The following NRG1 variants were observed in gnomAD, a reference collection of about 807,000 sequenced individuals.
NRG1 encodes neuregulin 1.
NRG1 carries 18 observed loss-of-function variants against 63.8 expected under a neutral mutation model. The ratio of observed to expected loss-of-function variants is 0.28; its 90% confidence interval spans 0.19 to 0.42. NRG1 has a LOEUF of 0.42. Among genes scored for constraint, NRG1 ranks in the 10% least tolerant of loss-of-function variants. The pLI is 1.00. For missense variants in NRG1, 762 were observed against 814.7 expected (o/e 0.94, Z 0.79); for synonymous variants, 302 against 301.3 (o/e 1.00, Z -0.02).
chr8:32,322,529 A>G (rs993949715), intron 1 of NRG1, among the ~76,000 whole-genome samples: 1 of 152,072 alleles, frequency 6.6e-6, no homozygotes, highest in Non-Finnish European at 1.5e-5. Context: ...AATCCTATAT[A>G]TTGGTTCTAG....
chr8:32,412,423 C>CACAT (rs1815129169), intron 1 of NRG1, among the ~76,000 whole-genome samples: 1 of 93,022 alleles, frequency 1.1e-5, no homozygotes, highest in Non-Finnish European at 2.1e-5. Flanking sequence ...TCTCTCTCTA[C>CACAT]ATATATATAT....
intron 1 of NRG1, among the ~76,000 whole-genome samples, chr8:31,924,949 C>A (rs180752601): frequency 0.01 from 1,582 of 150,980 alleles, 25 homozygotes; most frequent in African/African-American, 0.037. Context: ...TTAATTCTAC[C>A]GTGGTCAGAG....
chr8:32,033,388 T>C (rs1322115211), intron 1 of NRG1, among the ~76,000 whole-genome samples: 1 of 152,230 alleles, frequency 6.6e-6, no homozygotes, highest in East Asian at 1.9e-4. Flanking sequence ...GCATGATGCC[T>C]CCAGGTTTGC....
chr8:31,689,902 G>A lies in NRG1; in HGVS notation c.37+50471G>A, dbSNP rs188451243. On this transcript the variant is annotated intron_variant, in intron 1 of 10. Transcript: ENST00000519301. ...TAACTTTAAATAGGTTATTAGAATA[G>A]GCCCCATTAGGATGGTGATATTTGA... 4.9e-3 allele frequency among the ~76,000 whole-genome samples: 742 copies of A among 152,318 alleles called. 4 individuals carry two copies. Among genetic ancestry groups the A allele is most frequent in the African/African-American group, 0.017 (705 of 41,582 alleles).
At chr8:32,067,502 T>C (rs1005081653) in intron 1 of NRG1, among the ~76,000 whole-genome samples, 3 of 152,294 alleles carry the variant, frequency 2.0e-5, no homozygotes, top group Admixed American at 6.5e-5. Flanking sequence ...TATTGATTTT[T>C]GTATGTTGAA....
intron 1 of NRG1, among the ~76,000 whole-genome samples, chr8:32,224,154 A>T (rs1029585400): frequency 6.6e-6 from 1 of 152,190 alleles, no homozygotes; most frequent in Non-Finnish European, 1.5e-5. Context: ...GAACTGAAGG[A>T]GGAAGAGTCT....
At chr8:31,661,101 T>G (rs1236645911) in intron 1 of NRG1, among the ~76,000 whole-genome samples, 7 of 152,230 alleles carry the variant, frequency 4.6e-5, no homozygotes, top group Admixed American at 3.3e-4. Context: ...TAATATGGTC[T>G]TTTTCCACAT....
At chr8:32,166,376 A>G (rs928677751) in intron 1 of NRG1, among the ~76,000 whole-genome samples, 6 of 152,172 alleles carry the variant, frequency 3.9e-5, no homozygotes, top group African/African-American at 1.4e-4. Flanking sequence ...TTGCCAATTG[A>G]AATGCAGACA....
intron 1 of NRG1, among the ~76,000 whole-genome samples, chr8:31,674,343 G>A (rs554357878): frequency 1.3e-5 from 2 of 152,220 alleles, no homozygotes; most frequent in South Asian, 4.1e-4. Flanking sequence ...ACATGTTACA[G>A]TTCTACCCGC....
At chr8:32,560,942 T>C (rs553499779) in intron 1 of NRG1, among the ~76,000 whole-genome samples, 1 of 152,324 alleles carries the variant, frequency 6.6e-6, no homozygotes, top group African/African-American at 2.4e-5. Flanking sequence ...GTAATGAAAG[T>C]AATCTTAAAC....
At chr8:32,247,160 G>A (rs938614964) in intron 1 of NRG1, among the ~76,000 whole-genome samples, 10 of 151,818 alleles carry the variant, frequency 6.6e-5, no homozygotes, top group African/African-American at 1.9e-4. Context: ...TGAAATTAAC[G>A]AATAAAAGTT....
At chr8:32,529,361 A>G (rs1383084935) in intron 1 of NRG1, among the ~76,000 whole-genome samples, 1 of 152,220 alleles carries the variant, frequency 6.6e-6, no homozygotes, top group Non-Finnish European at 1.5e-5. Flanking sequence ...GTGAAGGCCC[A>G]GGACATTACT....
At chr8:32,052,086 G>C (rs1481093111) in intron 1 of NRG1, among the ~76,000 whole-genome samples, 1 of 151,926 alleles carries the variant, frequency 6.6e-6, no homozygotes, top group African/African-American at 2.4e-5. Flanking sequence ...ATGTTGAGTT[G>C]GGGTTTCTAT....
intron 1 of NRG1, among the ~76,000 whole-genome samples, chr8:32,585,520 T>C (rs976009264): frequency 6.6e-6 from 1 of 152,198 alleles, no homozygotes; most frequent in African/African-American, 2.4e-5. Flanking sequence ...AGAACAACAT[T>C]AATCCATTAA....
At chr8:32,368,988 G>A (rs1388241570) in intron 1 of NRG1, among the ~76,000 whole-genome samples, 2 of 152,152 alleles carry the variant, frequency 1.3e-5, no homozygotes, top group Non-Finnish European at 2.9e-5. Context: ...ATATGTGTAT[G>A]ATACATGTGC....
At chr8:31,760,173 A>G (rs868244344) in intron 1 of NRG1, among the ~76,000 whole-genome samples, 1 of 152,060 alleles carries the variant, frequency 6.6e-6, no homozygotes, top group Admixed American at 6.6e-5. Flanking sequence ...TAGGGTTTTT[A>G]TGGTTTTAGG....
intron 5 of NRG1, among the ~76,000 whole-genome samples, chr8:32,707,063 A>G (rs1816609438): frequency 6.6e-6 from 1 of 152,084 alleles, no homozygotes; most frequent in South Asian, 2.1e-4. Context: ...ATCTATTTGT[A>G]GAGAAAACAA....
intron 1 of NRG1, among the ~76,000 whole-genome samples, chr8:32,423,511 G>C (rs1816954813): frequency 1.3e-5 from 2 of 152,144 alleles, no homozygotes; most frequent in South Asian, 4.2e-4. Flanking sequence ...CGGGCATGGT[G>C]GCTCTCGCCA....
At chr8:32,361,819 A>T (rs575528335) in intron 1 of NRG1, among the ~76,000 whole-genome samples, 14 of 152,248 alleles carry the variant, frequency 9.2e-5, no homozygotes, top group Admixed American at 6.5e-4. Flanking sequence ...TCAGTAATAC[A>T]CAGTTTTTGA....
Sources: allele counts gnomAD v4.1 joint callset (sites outside exome capture counted in the v4.1 genomes callset), GRCh38; gene constraint gnomAD v4.1.1; transcripts MANE v1.5; gene names NCBI Gene and HGNC (gene_info 2026-07-23, HGNC 2026-07-21).